Variants in LMO7 observed in about 807,000 individuals in gnomAD.
The protein encoded by LMO7 is LIM domain 7.
In LMO7, 120 loss-of-function variants were observed where a neutral mutation model predicts 206.5. The ratio of observed to expected loss-of-function variants is 0.58; its 90% CI spans 0.50 to 0.68. LMO7 has a LOEUF of 0.68. Ranked by LOEUF, LMO7 falls within the 30% of genes least tolerant of loss-of-function variation. LMO7 has a pLI of 0.00. For synonymous variants in LMO7, 706 were observed against 681.5 expected (o/e 1.04, Z -0.56); for missense variants, 1,959 against 1,957.9 (o/e 1.00, Z -0.01).
rs1224861916 is a variant in LMO7 at position 75,731,745 on chromosome 13, C to T, written c.210+4647C>T. Among the ~76,000 whole-genome samples the T allele has an allele frequency of 2.0e-5, 3 of 152,082 alleles. No individual in the cohort carries two copies. The East Asian group carries it at 5.8e-4, about 29-fold the overall frequency. Reference sequence around the variant, plus strand: ...AGTCTCGATGGTCTTTACATTTTGGCATGATTTTGTGGCGGCTGGTATCAG... The same window carrying T: ...AGTCTCGATGGTCTTTACATTTTGGTATGATTTTGTGGCGGCTGGTATCAG... On this transcript the variant is annotated intron_variant, in intron 3 of 30. Transcript: ENST00000377534.
At chr13:75,729,149 T>C (rs2138681609) in intron 3 of LMO7, among the ~76,000 whole-genome samples, 1 of 149,448 alleles carries the variant, frequency 6.7e-6, no homozygotes, top group East Asian at 2.0e-4. Flanking sequence ...AGTAGTTTTT[T>C]CCAATTCTGT....
intron 9 of LMO7, chr13:75,806,371 C>A: frequency 2.5e-6 from 1 of 404,870 alleles, no homozygotes; most frequent in Non-Finnish European, 3.3e-6. Context: ...ATCAGGAAAC[C>A]TGACTCACTT....
At chr13:75,767,907 C>T (rs912873430) in intron 4 of LMO7, among the ~76,000 whole-genome samples, 1 of 152,020 alleles carries the variant, frequency 6.6e-6, no homozygotes, top group African/African-American at 2.4e-5. Flanking sequence ...AATTTTATGG[C>T]AAATAATTAT....
rs2061112975 is a variant in LMO7, at chr13:75,858,131, T to C, written c.*188T>C. ...AGAACCAGTATTTTTGTTGTTTATTTATAAGGTAATTGTGTGTGGGGAAAA... is the reference window on the plus strand; with the variant it reads ...AGAACCAGTATTTTTGTTGTTTATTCATAAGGTAATTGTGTGTGGGGAAAA... On this transcript the variant is annotated 3_prime_UTR_variant, in exon 31 of 31. Coordinates refer to ENST00000377534, the MANE Select transcript of LMO7 (RefSeq NM_001306080.2). The C allele has an allele frequency of 1.9e-6, 1 of 532,538 alleles. No individual in the cohort carries two copies. Among genetic ancestry groups the C allele is most frequent in the African/African-American group, 2.0e-5 (1 of 50,722 alleles). 33.0% of individuals were successfully genotyped at this position (532,538 alleles called of 1,614,324 possible). A position where few individuals can be genotyped will look rare whatever the true frequency, so the allele number is the denominator to read the frequency against.
intron 1 of LMO7, among the ~76,000 whole-genome samples, chr13:75,637,089 G>A (rs1424330382): frequency 6.6e-6 from 1 of 152,102 alleles, no homozygotes; most frequent in Non-Finnish European, 1.5e-5. Context: ...TGCAGAGCTG[G>A]GCCAGGGCTC....
At chr13:75,680,713 C>T (rs913912263) in intron 1 of LMO7, among the ~76,000 whole-genome samples, 5 of 152,018 alleles carry the variant, frequency 3.3e-5, no homozygotes, top group African/African-American at 4.8e-5. Flanking sequence ...AATGCTATCC[C>T]TCCCCTATCC....
intron 2 of LMO7, among the ~76,000 whole-genome samples, chr13:75,625,668 G>A (rs1015127905): frequency 6.6e-6 from 1 of 152,148 alleles, no homozygotes; most frequent in Admixed American, 6.5e-5. Context: ...TTCTGTCCAC[G>A]AAGACCAAAG....
At chr13:75,768,988 G>C (rs868521779) in intron 4 of LMO7, among the ~76,000 whole-genome samples, 1 of 151,972 alleles carries the variant, frequency 6.6e-6, no homozygotes, top group Admixed American at 6.6e-5. Flanking sequence ...AATAGCAATA[G>C]GTACTGTTTG....
intron 1 of LMO7, among the ~76,000 whole-genome samples, chr13:75,638,673 G>A (rs1752651605): frequency 6.6e-6 from 1 of 152,096 alleles, no homozygotes; most frequent in African/African-American, 2.4e-5. Context: ...CTGGGCATTT[G>A]AAATGACCAC....
chr13:75,736,811 A>C (rs2045865005), intron 3 of LMO7, among the ~76,000 whole-genome samples: 1 of 152,222 alleles, frequency 6.6e-6, no homozygotes, highest in Admixed American at 6.5e-5. Context: ...ACACTTCCAG[A>C]AGAAGAATGA....
In LMO7 at chr13:75,816,356, C is replaced by T. The variant is rs147756346; in HGVS notation, c.1947-805C>T. The stretch of plus-strand genomic sequence containing the variant: ...CTTCTCCTCAGTGTTTAGATCTGAC[C>T]TCTCCCTTTCCTTGAGACCACCCTT... On this transcript the variant is annotated intron_variant, in intron 11 of 30. Transcript: ENST00000377534. Among the ~76,000 whole-genome samples, 662 of 152,266 alleles carry T rather than the reference C, an allele frequency of 4.3e-3. 4 individuals carry two copies. The highest frequency in any genetic ancestry group is 0.015 in the African/African-American group (634 of 41,550).
chr13:75,665,565 A>AC (rs1229291516), intron 1 of LMO7, among the ~76,000 whole-genome samples: 1 of 149,886 alleles, frequency 6.7e-6, no homozygotes, highest in African/African-American at 2.5e-5. Flanking sequence ...TCGTTCTTGT[A>AC]CCCCAGGCTG....
intron 4 of LMO7, among the ~76,000 whole-genome samples, chr13:75,778,044 C>T (rs760835046): frequency 2.0e-5 from 3 of 152,262 alleles, no homozygotes; most frequent in East Asian, 1.9e-4. Context: ...TCAGAGACTA[C>T]GACAAGAATG....
intron 1 of LMO7, among the ~76,000 whole-genome samples, chr13:75,694,697 G>A: frequency 6.6e-6 from 1 of 152,210 alleles, no homozygotes; most frequent in South Asian, 2.1e-4. Flanking sequence ...GTGAGATGTG[G>A]TAGCTGAGTC....
intron 1 of LMO7, among the ~76,000 whole-genome samples, chr13:75,665,393 A>G (rs2038987760): frequency 1.3e-5 from 2 of 152,092 alleles, no homozygotes; most frequent in African/African-American, 4.8e-5. Flanking sequence ...AGTAATTTAG[A>G]TATTTTTAAA....
chr13:75,626,903 AC>A (rs2034267408), intron 2 of LMO7: 1 of 151,974 alleles, frequency 6.6e-6, no homozygotes, highest in African/African-American at 2.4e-5. Flanking sequence ...TTTTAAGTGT[AC>A]GATACATTAT....
intron 4 of LMO7, among the ~76,000 whole-genome samples, chr13:75,777,867 G>C (rs1394477553): frequency 6.6e-6 from 1 of 151,932 alleles, no homozygotes; most frequent in African/African-American, 2.4e-5. Flanking sequence ...GGATGGTCTC[G>C]ATCTCCTGAC....
At chr13:75,642,049 G>T (rs906441366) in intron 1 of LMO7, among the ~76,000 whole-genome samples, 5 of 152,182 alleles carry the variant, frequency 3.3e-5, no homozygotes, top group African/African-American at 1.2e-4. Context: ...AAAGAGAGGG[G>T]TGGCAAGAGA....
At position 75,720,947 on chromosome 13, in the gene LMO7, A is replaced by G. The variant is rs546007693; in HGVS notation, c.141-6082A>G. 3.9e-5 allele frequency among the ~76,000 whole-genome samples: 6 copies of G among 152,320 alleles called. No individual in the cohort carries two copies. In the East Asian group the frequency reaches 1.2e-3, roughly 29 times the overall value. On this transcript the variant is annotated intron_variant, in intron 2 of 30. Coordinates refer to ENST00000377534, the MANE Select transcript of LMO7 (RefSeq NM_001306080.2). ...GCTTTTAGACTTTTAAATTATATAT[A>G]CTGGTTATTTTACTCATGGACATGT... is the stretch of plus-strand genomic sequence containing the variant.
Sources: gnomAD v4.1 joint callset for allele counts (sites outside exome capture counted in the v4.1 genomes callset) on GRCh38, gnomAD v4.1.1 for gene constraint, MANE v1.5 for transcripts, NCBI Gene and HGNC (gene_info 2026-07-23, HGNC 2026-07-21) for gene names.